Variants in SAMD5 observed in about 807,000 individuals in gnomAD.
The protein encoded by SAMD5 is sterile alpha motif domain containing 5, also known as sterile alpha motif domain-containing protein 5.
In SAMD5, 13 loss-of-function variants were observed where a neutral mutation model predicts 11.3. That is an observed-to-expected ratio of 1.15 (90% CI 0.75 to 1.83). The LOEUF (loss-of-function observed/expected upper bound fraction) is 1.83. Ranked by LOEUF, SAMD5 falls within the 40% of genes most tolerant of loss-of-function variation. The pLI is 0.00. For synonymous variants in SAMD5, 129 were observed against 111.3 expected (o/e 1.16, Z -1.00); for missense variants, 255 against 239.1 (o/e 1.07, Z -0.44).
chr6:147,890,181 A>C, the SAMD5 span, among the ~76,000 whole-genome samples: 3 of 152,204 alleles, frequency 2.0e-5, no homozygotes, highest in Admixed American at 2.0e-4. Flanking sequence ...TGTGTAGCAG[A>C]AAAAAATACT....
chr6:147,599,231 A>G lies in SAMD5; in HGVS notation c.162+89844A>G, dbSNP rs1789580669. Among the ~76,000 whole-genome samples, 4 of 152,242 alleles carry G rather than the reference A, an allele frequency of 2.6e-5. No homozygotes were observed. In the South Asian group the frequency reaches 8.3e-4, roughly 31 times the overall value. On this transcript the variant is annotated intron_variant, in intron 1 of 1. Transcript: ENST00000566741. ...GAGAAGTGGATAAGAAGGAGAATGT[A>G]TAGGTTTCTTGAAAGAAGCCTGACT...
In SAMD5 at chr6:147,566,014, C is replaced by A. The variant is rs1362034168; in HGVS notation, c.*1558C>A. ...TCAAAGGAAAAGAAACTTACATTCA[C>A]TTTTTCCTGGTCCATTTTGGTTCCT... On this transcript the variant is annotated 3_prime_UTR_variant, in exon 2 of 2. Transcript: ENST00000367474. 1 of 985,168 alleles carries A rather than the reference C, an allele frequency of 1.0e-6. No individual in the cohort carries two copies. Among genetic ancestry groups the A allele is most frequent in the East Asian group, 1.1e-4 (1 of 8,814 alleles). 61.0% of individuals were successfully genotyped at this position (985,168 alleles called of 1,614,324 possible).
the SAMD5 span, among the ~76,000 whole-genome samples, chr6:147,917,516 A>G: frequency 1.3e-4 from 20 of 151,658 alleles, no homozygotes; most frequent in Non-Finnish European, 2.1e-4. Context: ...TTGCCTGTTC[A>G]CTCTGATGGT....
the SAMD5 span, among the ~76,000 whole-genome samples, chr6:147,906,449 T>C: frequency 6.6e-6 from 1 of 152,226 alleles, no homozygotes; most frequent in Non-Finnish European, 1.5e-5. Flanking sequence ...ACAGATCCTG[T>C]CTCTGGCCAA....
intron 1 of SAMD5, among the ~76,000 whole-genome samples, chr6:147,557,007 G>C (rs1395755003): frequency 6.6e-6 from 1 of 152,130 alleles, no homozygotes; most frequent in African/African-American, 2.4e-5. Context: ...TTCTAGTTTT[G>C]ATGCTGTAAC....
chr6:147,828,058 T>A, the SAMD5 span, among the ~76,000 whole-genome samples: 1 of 152,188 alleles, frequency 6.6e-6, no homozygotes, highest in South Asian at 2.1e-4. Flanking sequence ...AGTGCTGGGA[T>A]TACAGGCGTG....
At chr6:147,535,361 G>C (rs1788492309) in intron 1 of SAMD5, among the ~76,000 whole-genome samples, 1 of 152,182 alleles carries the variant, frequency 6.6e-6, no homozygotes, top group Non-Finnish European at 1.5e-5. Context: ...ACAAGTCCTA[G>C]GATGAGGAGT....
intron 1 of SAMD5, among the ~76,000 whole-genome samples, chr6:147,680,788 T>C (rs1442513588): frequency 1.3e-5 from 2 of 152,156 alleles, no homozygotes; most frequent in Non-Finnish European, 2.9e-5. Context: ...TCTTTCGTGG[T>C]CCTTTAACAT....
the SAMD5 span, among the ~76,000 whole-genome samples, chr6:147,794,179 C>A: frequency 6.6e-6 from 1 of 152,044 alleles, no homozygotes; most frequent in African/African-American, 2.4e-5. Flanking sequence ...TTAAGATATT[C>A]AAATCCGATT....
chr6:147,793,799 C>T, the SAMD5 span, among the ~76,000 whole-genome samples: 1 of 152,092 alleles, frequency 6.6e-6, no homozygotes, highest in Non-Finnish European at 1.5e-5. Flanking sequence ...TTCACCAGTG[C>T]CACATTGTCT....
At chr6:147,638,519 ATCGTGTTGATGTTT>A (rs1790265147) in intron 1 of SAMD5, among the ~76,000 whole-genome samples, 1 of 152,178 alleles carries the variant, frequency 6.6e-6, no homozygotes, top group African/African-American at 2.4e-5. Flanking sequence ...CTGGTGTGTG[ATCGTGTTGATGTTT>A]TCTCATCTCC....
At chr6:147,896,755 A>AACAAAAACAAACAAAC in the SAMD5 span, among the ~76,000 whole-genome samples, 2 of 142,424 alleles carry the variant, frequency 1.4e-5, no homozygotes, top group African/African-American at 5.5e-5. Flanking sequence ...AAAAAAAAAA[A>AACAAAAACAAACAAAC]AAAAAAAACG....
chr6:147,781,962 G>A, the SAMD5 span, among the ~76,000 whole-genome samples: 1 of 151,942 alleles, frequency 6.6e-6, no homozygotes, highest in Non-Finnish European at 1.5e-5. Context: ...CTATCATGAT[G>A]GGTAAAGGGA....
the SAMD5 span, among the ~76,000 whole-genome samples, chr6:147,893,462 G>A: frequency 1.3e-5 from 2 of 152,138 alleles, no homozygotes; most frequent in African/African-American, 4.8e-5. Flanking sequence ...AAAAACCATA[G>A]TAAAACTTAA....
the SAMD5 span, among the ~76,000 whole-genome samples, chr6:147,806,310 GCGCGCGCGCA>G: frequency 8.0e-6 from 1 of 124,656 alleles, no homozygotes; most frequent in African/African-American, 3.7e-5. Context: ...GCATGCGCGC[GCGCGCGCGCA>G]CACACACACA....
intron 1 of SAMD5, among the ~76,000 whole-genome samples, chr6:147,514,377 C>T (rs1240336991): frequency 1.3e-5 from 2 of 151,330 alleles, no homozygotes; most frequent in Non-Finnish European, 2.9e-5. Context: ...TTAAGGAGAA[C>T]ATTGTATTAA....
chr6:147,777,659 C>A, the SAMD5 span, among the ~76,000 whole-genome samples: 1 of 152,160 alleles, frequency 6.6e-6, no homozygotes, highest in Non-Finnish European at 1.5e-5. Context: ...GAAACTGTAA[C>A]CTTTAAGTAA....
At chr6:147,571,047 ACATAGT>A (rs1789129701), downstream of SAMD5, among the ~76,000 whole-genome samples, 1 of 152,164 alleles carries the variant, frequency 6.6e-6, no homozygotes, top group Admixed American at 6.5e-5. Context: ...GGTTTTTAAG[ACATAGT>A]CATAGCCCTT....
intron 1 of SAMD5, among the ~76,000 whole-genome samples, chr6:147,624,001 C>G (rs958478082): frequency 6.6e-6 from 1 of 152,142 alleles, no homozygotes; most frequent in African/African-American, 2.4e-5. Context: ...TCCCAAGTAG[C>G]TGGGATTACA....
Sources: allele counts gnomAD v4.1 joint callset (sites outside exome capture counted in the v4.1 genomes callset), GRCh38; gene constraint gnomAD v4.1.1; transcripts MANE v1.5; gene names NCBI Gene and HGNC (gene_info 2026-07-23, HGNC 2026-07-21).